MCF2L: variants seen among roughly 807,000 people sequenced by gnomAD.
MCF2L encodes MCF.2 cell line derived transforming sequence like.
A neutral mutation model predicts 153.4 loss-of-function variants in MCF2L; 97 were observed. That is an observed-to-expected ratio of 0.63 (90% CI 0.54 to 0.75). The LOEUF (loss-of-function observed/expected upper bound fraction) is 0.75. Among genes scored for constraint, MCF2L ranks in the 30% least tolerant of loss-of-function variants. The pLI is 0.00. For missense variants in MCF2L, 1,347 were observed against 1,495.2 expected (o/e 0.90, Z 1.64); for synonymous variants, 659 against 632.2 (o/e 1.04, Z -0.64).
intron 1 of MCF2L, among the ~76,000 whole-genome samples, chr13:113,010,951 T>A (rs953311914): frequency 2.0e-5 from 3 of 152,240 alleles, no homozygotes; most frequent in Non-Finnish European, 4.4e-5. Context: ...CTTAGTCTTA[T>A]GGCTGCAAAA....
chr13:112,968,098 TTCTCTC>T (rs533754876), upstream of MCF2L: 12 of 200,176 alleles, frequency 6.0e-5, no homozygotes, highest in Non-Finnish European at 2.0e-5. Context: ...CCTGCTGGAA[TTCTCTC>T]TCTCTCTCTC....
At position 113,076,271 on chromosome 13, in the gene MCF2L, A is replaced by AT. The variant is rs11367219; in HGVS notation, c.1500+124dup. 9.6e-3 allele frequency: 6,777 copies of AT among 708,832 alleles called. 5 individuals are homozygous for AT. The highest frequency in any genetic ancestry group is 0.028 in the East Asian group (737 of 26,374). 43.9% of individuals were successfully genotyped at this position (708,832 alleles called of 1,614,324 possible). ...GAATTATTTGTATTTATTTATTATTATTTTTTTTTTGAGATGGAATCTCGC... is the reference window on the plus strand; with the variant it reads ...GAATTATTTGTATTTATTTATTATTATTTTTTTTTTTGAGATGGAATCTCGC... On this transcript the variant is annotated intron_variant, in intron 12 of 29. Transcript: ENST00000535094.
chr13:113,073,460 C>G (rs1212673235), intron 9 of MCF2L, among the ~76,000 whole-genome samples: 1 of 152,180 alleles, frequency 6.6e-6, no homozygotes, highest in Non-Finnish European at 1.5e-5. Context: ...GCAGGGGGTT[C>G]AAGGATGGAC....
At chr13:112,908,606 CTA>C (rs2140514322) in intron 2 of MCF2L, among the ~76,000 whole-genome samples, 1 of 152,272 alleles carries the variant, frequency 6.6e-6, no homozygotes, top group South Asian at 2.1e-4. Flanking sequence ...AATATGTGCT[CTA>C]TGATTAAAGT....
chr13:112,968,605 AC>A (rs1404754533), upstream of MCF2L: 1 of 1,534,128 alleles, frequency 6.5e-7, no homozygotes. Context: ...CCAGCGACCC[AC>A]GGACCTGCTT....
chr13:113,025,693 G>T, intron 3 of MCF2L, among the ~76,000 whole-genome samples: 1 of 123,386 alleles, frequency 8.1e-6, no homozygotes, highest in Non-Finnish European at 1.8e-5. Context: ...CCTGTCATGG[G>T]GTCCCCGTGA....
chr13:113,045,084 G>A lies in MCF2L; in HGVS notation c.279-187G>A, dbSNP rs2086724513. 1.0e-6 allele frequency: 1 copy of A among 953,018 alleles called. No homozygotes were observed. The highest frequency in any genetic ancestry group is 2.6e-5 in the East Asian group (1 of 38,036). The allele number at this position is 953,018 out of a possible 1,614,324, so 59.0% of individuals were successfully genotyped here. ...AAAGTGCCTGCCCTTCCGTAGATGA[G>A]AGCAGGTTCTGGGACTGCGGGGATG... On this transcript the variant is annotated intron_variant, in intron 3 of 29. Coordinates refer to ENST00000535094, the MANE Select transcript of MCF2L (RefSeq NM_001112732.3). This position sits in a 1 kb window ranked among gnomAD's most constrained non-coding sequence, Gnocchi z 4.2.
chr13:112,927,697 C>A (rs540250341), intron 2 of MCF2L, among the ~76,000 whole-genome samples: 11 of 152,216 alleles, frequency 7.2e-5, no homozygotes, highest in South Asian at 2.1e-4. Flanking sequence ...AAAGCTGAAC[C>A]AGAATCTGAC....
chr13:113,050,130 T>G (rs1394168637), intron 4 of MCF2L, among the ~76,000 whole-genome samples: 1 of 152,136 alleles, frequency 6.6e-6, no homozygotes, highest in Non-Finnish European at 1.5e-5. Context: ...CATCTAACCC[T>G]CTTCCACTGT....
intron 1 of MCF2L, among the ~76,000 whole-genome samples, chr13:112,981,589 C>G (rs2082428135): frequency 6.6e-6 from 1 of 152,240 alleles, no homozygotes; most frequent in Non-Finnish European, 1.5e-5. Context: ...CTCCGCGGCA[C>G]AGATCACCTG....
At position 113,027,177 on chromosome 13, in the gene MCF2L, C is replaced by A; in HGVS notation, c.278+2419C>A. 7.7e-6 allele frequency: 5 copies of A among 653,324 alleles called. No individual in the cohort carries two copies. Among genetic ancestry groups the A allele is most frequent in the Non-Finnish European group, 1.4e-5 (5 of 358,494 alleles). 40.5% of individuals were successfully genotyped at this position (653,324 alleles called of 1,614,324 possible). A position where few individuals can be genotyped will look rare whatever the true frequency, so the allele number is the denominator to read the frequency against. ...GCCATTACCGTGAAGGTTCTTCATTCTTCAGTCTTTAAAGACAACAGCGCA... is the reference window on the plus strand; with the variant it reads ...GCCATTACCGTGAAGGTTCTTCATTATTCAGTCTTTAAAGACAACAGCGCA... On this transcript the variant is annotated intron_variant, in intron 3 of 29. Coordinates refer to ENST00000535094, the MANE Select transcript of MCF2L (RefSeq NM_001112732.3). This position sits in a 1 kb window ranked among gnomAD's most constrained non-coding sequence, Gnocchi z 4.8.
At chr13:113,096,159 GAC>G (rs1340020709) in intron 27 of MCF2L, 7 of 596,792 alleles carry the variant, frequency 1.2e-5, no homozygotes, top group South Asian at 5.9e-5. Context: ...TGGGCCCAAA[GAC>G]AGATTCACAG....
chr13:112,944,384 G>A (rs2081613454), intron 2 of MCF2L, among the ~76,000 whole-genome samples: 2 of 152,012 alleles, frequency 1.3e-5, no homozygotes, highest in Admixed American at 6.6e-5. Context: ...GGTGTCTCGG[G>A]GCAGCACAGA....
At position 113,032,704 on chromosome 13, in the gene MCF2L, G is replaced by A. The variant is rs968480161; in HGVS notation, c.278+7946G>A. ...CCTGCCTCAGTCTCCTGAGTAGCTG[G>A]GACTGCAGGCATGAGCCACCACACC... On this transcript the variant is annotated intron_variant, in intron 3 of 29. Coordinates refer to ENST00000535094, the MANE Select transcript of MCF2L (RefSeq NM_001112732.3). Among the ~76,000 whole-genome samples the A allele has an allele frequency of 3.3e-5, 5 of 152,100 alleles. No homozygotes were observed. In the South Asian group the frequency reaches 6.2e-4, roughly 19 times the overall value.
chr13:112,969,588 G>C lies in MCF2L; in HGVS notation c.79+130G>C. 1 of 1,470,212 alleles carries C rather than the reference G, an allele frequency of 6.8e-7. No individual in the cohort carries two copies. The highest frequency in any genetic ancestry group is 9.1e-7 in the Non-Finnish European group (1 of 1,093,804). 91.1% of individuals were successfully genotyped at this position (1,470,212 alleles called of 1,614,324 possible). A position where few individuals can be genotyped will look rare whatever the true frequency, so the allele number is the denominator to read the frequency against. On this transcript the variant is annotated intron_variant, in intron 1 of 29. Transcript: ENST00000535094. This position sits in a 1 kb window ranked among gnomAD's most constrained non-coding sequence, Gnocchi z 4.8. ...TTCTAGCCGTGGTAGCTGTGACATG[G>C]GGGGCACTGGTTGGCAGCTGGTGTG...
chr13:113,095,987 A>C, intron 27 of MCF2L: 1 of 370,964 alleles, frequency 2.7e-6, no homozygotes, highest in Non-Finnish European at 4.7e-6. Flanking sequence ...GAGGGAGGGC[A>C]GAGGACGGGC....
rs150423398 is a variant in MCF2L, at chr13:112,975,031, C to T, written c.79+5573C>T. 1.6e-3 allele frequency among the ~76,000 whole-genome samples: 241 copies of T among 152,304 alleles called. 1 individual carries two copies. Among genetic ancestry groups the T allele is most frequent in the African/African-American group, 5.4e-3 (226 of 41,552 alleles). ...TTCCACGTCAGCTCACGTCACCATC[C>T]GTAGAGTTGGAAGGATACCACTGTA... On this transcript the variant is annotated intron_variant, in intron 1 of 29. Coordinates refer to ENST00000535094, the MANE Select transcript of MCF2L (RefSeq NM_001112732.3).
chr13:113,066,011 CGGGGCCGGGACAT>C (rs2032309720), intron 7 of MCF2L, 22 bp from the exon 8 acceptor site: 1 of 1,602,902 alleles, frequency 6.2e-7, no homozygotes, highest in Admixed American at 1.7e-5. Flanking sequence ...TGTGCCTGGA[CGGGGCCGGGACAT>C]GAGGCTGCAT....
At chr13:113,094,706 G>C in intron 27 of MCF2L, 71 bp downstream of exon 27, 1 of 1,537,726 alleles carries the variant, frequency 6.5e-7, no homozygotes, top group East Asian at 2.3e-5. Context: ...CTTCTGGCAG[G>C]TCCACCCAGG....
Sources: gnomAD v4.1 joint callset for allele counts (sites outside exome capture counted in the v4.1 genomes callset) on GRCh38, gnomAD v4.1.1 for gene constraint, Gnocchi (gnomAD v3.1) non-coding constraint, MANE v1.5 for transcripts, NCBI Gene and HGNC (gene_info 2026-07-23, HGNC 2026-07-21) for gene names.